RPTOR: variants seen among roughly 807,000 people sequenced by gnomAD.
The protein encoded by RPTOR is regulatory associated protein of MTOR complex 1.
A neutral mutation model predicts 169.9 loss-of-function variants in RPTOR; 21 were observed. That is an observed-to-expected ratio of 0.12 (90% confidence interval 0.09 to 0.18). The LOEUF is 0.18. Ranked by LOEUF, RPTOR falls within the 10% of genes least tolerant of loss-of-function variation. The pLI is 1.00. For missense variants in RPTOR, 1,133 were observed against 1,855.9 expected, an observed-to-expected ratio of 0.61 and a Z score of 7.16; for synonymous variants, 732 against 753.2, an observed-to-expected ratio of 0.97 and a Z score of 0.46.
rs572331065 is a variant in RPTOR at position 80,572,604 on chromosome 17, A to G, written c.162+26813A>G. Among the ~76,000 whole-genome samples, 19 of 152,302 alleles carry G rather than the reference A, an allele frequency of 1.2e-4. No individual in the cohort carries two copies. The East Asian group carries it at 3.7e-3, about 29-fold the overall frequency. On this transcript the variant is annotated intron_variant, in intron 1 of 33. Coordinates refer to ENST00000306801, the MANE Select transcript of RPTOR (RefSeq NM_020761.3). ...GCCGGGCATGGTGGTGCACACCTGCAGTCTCAGCTACTTGGGAGGCTGAGG... is the reference window on the plus strand; with the variant it reads ...GCCGGGCATGGTGGTGCACACCTGCGGTCTCAGCTACTTGGGAGGCTGAGG...
intron 3 of RPTOR, among the ~76,000 whole-genome samples, chr17:80,648,337 G>A (rs777432697): frequency 2.6e-5 from 4 of 152,136 alleles, no homozygotes; most frequent in Non-Finnish European, 2.9e-5. Flanking sequence ...TTAGGCACAA[G>A]TGTTATTTGC....
intron 13 of RPTOR, among the ~76,000 whole-genome samples, chr17:80,871,570 C>T (rs757343043): frequency 5.9e-5 from 9 of 152,196 alleles, no homozygotes; most frequent in Admixed American, 1.3e-4. Flanking sequence ...CCGCCCCTTC[C>T]GGAATGGGCT....
chr17:80,806,020 C>T (rs1287145903), intron 7 of RPTOR, among the ~76,000 whole-genome samples: 1 of 152,156 alleles, frequency 6.6e-6, no homozygotes, highest in East Asian at 1.9e-4. Context: ...AGGACAGGAT[C>T]CAAAGAGATG....
chr17:80,797,435 G>A (rs1175694683), intron 7 of RPTOR, among the ~76,000 whole-genome samples: 9 of 152,216 alleles, frequency 5.9e-5, no homozygotes, highest in East Asian at 1.9e-4. Flanking sequence ...GGCATGAGCC[G>A]CTGTGCCCGG....
Position 80,960,047 on chromosome 17 carries a change from TCTTCACCGGG to T in RPTOR, c.3478-28_3478-19del. On this transcript the variant is annotated intron_variant, in intron 29 of 33. Coordinates refer to ENST00000306801, the MANE Select transcript of RPTOR (RefSeq NM_020761.3). The surrounding 1 kb of genome is among the most constrained non-coding windows in gnomAD (Gnocchi z 4.8). ...CAGGGAGGGTGGCTCGGTGCCCCGGTCTTCACCGGGCTGCCTGTGTTTGGCTCTAGGACAT... is the reference window on the plus strand; with the variant it reads ...CAGGGAGGGTGGCTCGGTGCCCCGGTCTGCCTGTGTTTGGCTCTAGGACAT... 6.2e-7 allele frequency: 1 copy of T among 1,606,540 alleles called. No homozygotes were observed. The highest frequency in any genetic ancestry group is 8.5e-7 in the Non-Finnish European group (1 of 1,177,682).
In RPTOR at chr17:80,740,211, A is replaced by T. The variant is rs79700079; in HGVS notation, c.654+9505A>T. Among the ~76,000 whole-genome samples the T allele has an allele frequency of 1.2e-4, 19 of 152,364 alleles. No individual in the cohort carries two copies. The East Asian group carries it at 3.7e-3, about 29-fold the overall frequency. ...CAACCAATTGAATATTCTGAGTATT[A>T]TCTGTTCAGCAATAGATAATCTGAA... On this transcript the variant is annotated intron_variant, in intron 5 of 33. Coordinates refer to ENST00000306801, the MANE Select transcript of RPTOR (RefSeq NM_020761.3).
chr17:80,753,799 G>A (rs537838994), intron 5 of RPTOR, among the ~76,000 whole-genome samples: 4 of 152,166 alleles, frequency 2.6e-5, no homozygotes, highest in African/African-American at 9.6e-5. Flanking sequence ...CCATCAGAAG[G>A]GCCTTGGGAA....
chr17:80,630,459 T>A (rs1344045102), intron 2 of RPTOR, among the ~76,000 whole-genome samples: 1 of 152,216 alleles, frequency 6.6e-6, no homozygotes, highest in Non-Finnish European at 1.5e-5. Context: ...CCTGCATGTG[T>A]GTATAAGTAT....
chr17:80,634,360 T>TGC (rs1567830687), intron 2 of RPTOR, among the ~76,000 whole-genome samples: 14 of 103,194 alleles, frequency 1.4e-4, no homozygotes, highest in Non-Finnish European at 2.2e-4. Flanking sequence ...GTGCGTACTG[T>TGC]GTGTGCATAC....
chr17:80,820,059 G>C lies in RPTOR; in HGVS notation c.891-2142G>C, dbSNP rs1187233765. Among the ~76,000 whole-genome samples the C allele has an allele frequency of 6.6e-6, 1 of 152,134 alleles. No homozygotes were observed. Among genetic ancestry groups the C allele is most frequent in the East Asian group, 1.9e-4 (1 of 5,178 alleles). ...ACTCCAGATATGTTGAGAGAGGAGA[G>C]AACCCGTGACAGGATGCTGAAGATC... On this transcript the variant is annotated intron_variant, in intron 7 of 33. Coordinates refer to ENST00000306801, the MANE Select transcript of RPTOR (RefSeq NM_020761.3). The surrounding 1 kb of genome is among the most constrained non-coding windows in gnomAD (Gnocchi z 4.1).
intron 33 of RPTOR, among the ~76,000 whole-genome samples, chr17:80,963,392 C>A: frequency 6.7e-6 from 1 of 150,074 alleles, no homozygotes; most frequent in Admixed American, 6.6e-5. Flanking sequence ...GCGGCCCTCA[C>A]CCCGTCCCCT....
In RPTOR at chr17:80,893,080, G is replaced by A. The variant is rs185638531; in HGVS notation, c.2242+211G>A. On this transcript the variant is annotated intron_variant, in intron 19 of 33. Transcript: ENST00000306801. Reference sequence around the variant, plus strand: ...AGCCCCCAGAATAGCCAGCGGGCCCGTTACCAATGCGGCAGGGAGCTCAAG... The same window carrying A: ...AGCCCCCAGAATAGCCAGCGGGCCCATTACCAATGCGGCAGGGAGCTCAAG... 2.6e-3 allele frequency among the ~76,000 whole-genome samples: 395 copies of A among 152,358 alleles called. 1 individual carries two copies. Among genetic ancestry groups the A allele is most frequent in the African/African-American group, 8.0e-3 (334 of 41,576 alleles).
chr17:80,749,867 T>C (rs2066614597), intron 5 of RPTOR, among the ~76,000 whole-genome samples: 1 of 150,686 alleles, frequency 6.6e-6, no homozygotes, highest in Non-Finnish European at 1.5e-5. Flanking sequence ...CATGCACCAC[T>C]ACACCAGGCT....
Position 80,646,834 on chromosome 17 carries a change from G to C in RPTOR, c.348+3024G>C, listed in dbSNP as rs2065599582. Among the ~76,000 whole-genome samples, 2 of 152,142 alleles carry C rather than the reference G, an allele frequency of 1.3e-5. No homozygotes were observed. The highest frequency in any genetic ancestry group is 6.5e-5 in the Admixed American group (1 of 15,276). ...TGAAAATGAGATTATTTTCATTAAAGTTTGTCGGAGTCGTTGCCTCCACGC... is the reference window on the plus strand; with the variant it reads ...TGAAAATGAGATTATTTTCATTAAACTTTGTCGGAGTCGTTGCCTCCACGC... On this transcript the variant is annotated intron_variant, in intron 3 of 33. Coordinates refer to ENST00000306801, the MANE Select transcript of RPTOR (RefSeq NM_020761.3). This position sits in a 1 kb window ranked among gnomAD's most constrained non-coding sequence, Gnocchi z 5.0.
intron 9 of RPTOR, among the ~76,000 whole-genome samples, chr17:80,829,687 G>A (rs1325351473): frequency 6.6e-6 from 1 of 152,202 alleles, no homozygotes; most frequent in Non-Finnish European, 1.5e-5. Context: ...CGTCCACGGC[G>A]ACTTGTGGCC....
intron 4 of RPTOR, among the ~76,000 whole-genome samples, chr17:80,709,784 G>A (rs920897216): frequency 5.0e-4 from 76 of 152,022 alleles, no homozygotes; most frequent in African/African-American, 1.7e-3. Context: ...CCCTGTGTCC[G>A]CCCGCCGGCT....
intron 1 of RPTOR, among the ~76,000 whole-genome samples, chr17:80,612,324 T>C (rs953963238): frequency 6.6e-6 from 1 of 152,132 alleles, no homozygotes; most frequent in Admixed American, 6.6e-5. Flanking sequence ...AGAGACAGGG[T>C]CTTGCTGTGT....
chr17:80,791,805 A>G (rs2067051489), intron 7 of RPTOR, among the ~76,000 whole-genome samples: 1 of 152,212 alleles, frequency 6.6e-6, no homozygotes, highest in African/African-American at 2.4e-5. Flanking sequence ...CACTTCGCAT[A>G]CAAATCATTT....
Position 80,646,215 on chromosome 17 carries a change from A to G in RPTOR, c.348+2405A>G, listed in dbSNP as rs1042837093. Among the ~76,000 whole-genome samples, 1 of 152,118 alleles carries G rather than the reference A, an allele frequency of 6.6e-6. No individual in the cohort carries two copies. On this transcript the variant is annotated intron_variant, in intron 3 of 33. Coordinates refer to ENST00000306801, the MANE Select transcript of RPTOR (RefSeq NM_020761.3). This position sits in a 1 kb window ranked among gnomAD's most constrained non-coding sequence, Gnocchi z 5.0. ...TATTTGCTTTTCGAATGCCAACACC[A>G]TTGCATTCATTTTTTAGTACAATAA...
Sources: allele counts gnomAD v4.1 joint callset (sites outside exome capture counted in the v4.1 genomes callset), GRCh38; gene constraint gnomAD v4.1.1; non-coding constraint Gnocchi (gnomAD v3.1); transcripts MANE v1.5; gene names NCBI Gene and HGNC (gene_info 2026-07-23, HGNC 2026-07-21).